The following LCA5 variants were observed in gnomAD, a reference collection of about 807,000 sequenced individuals.
The protein encoded by LCA5 is lebercilin.
In LCA5, 37 loss-of-function variants were observed where a neutral mutation model predicts 53.0. The observed-to-expected ratio is 0.70, with a 90% CI of 0.54 to 0.92. The LOEUF (loss-of-function observed/expected upper bound fraction) is 0.92, where lower values mean the gene tolerates loss of function less well. Among genes scored for constraint, LCA5 ranks in the 40% least tolerant of loss-of-function variants. LCA5 has a pLI of 0.00. For missense variants in LCA5, 806 were observed against 790.5 expected (o/e 1.02, Z -0.23); for synonymous variants, 303 against 282.9 (o/e 1.07, Z -0.71).
Position 79,518,982 on chromosome 6 carries a change from G to A in LCA5, c.-88C>T. ...GACAATACTGAAAAACATTTTCACA[G>A]TCTTCAGATCCTGATAATATTCATT... On this transcript the variant is annotated 5_prime_UTR_variant, in exon 2 of 8. Coordinates refer to ENST00000369846, the MANE Select transcript of LCA5 (RefSeq NM_001122769.3). The A allele has an allele frequency of 8.4e-7, 1 of 1,184,468 alleles. No homozygotes were observed. Among genetic ancestry groups the A allele is most frequent in the South Asian group, 1.2e-5 (1 of 82,150 alleles). 73.4% of individuals were successfully genotyped at this position (1,184,468 alleles called of 1,614,324 possible).
chr6:79,495,375 T>TA (rs143866440), intron 3 of LCA5, among the ~76,000 whole-genome samples: 5,768 of 152,154 alleles, frequency 0.038, 138 homozygotes, highest in Non-Finnish European at 0.056. Flanking sequence ...TCTGTGTCTG[T>TA]AGGGGATTGG....
Position 79,485,772 on chromosome 6 carries a change from A to C in LCA5, c.*1232T>G, listed in dbSNP as rs1278278130. The C allele has an allele frequency of 2.0e-5, 3 of 152,156 alleles. No homozygotes were observed. The highest frequency in any genetic ancestry group is 4.4e-5 in the Non-Finnish European group (3 of 68,000). The allele number at this position is 152,156 out of a possible 1,614,324, so 9.4% of individuals were successfully genotyped here. On this transcript the variant is annotated 3_prime_UTR_variant, in exon 8 of 8. Transcript: ENST00000369846. ...GAATAAGTGCCAATCTAAATTTTTTATTCTTCCCAACACACTATTTCCACC... is the reference window on the plus strand; with the variant it reads ...GAATAAGTGCCAATCTAAATTTTTTCTTCTTCCCAACACACTATTTCCACC...
At position 79,506,201 on chromosome 6, in the gene LCA5, A is replaced by G. The variant is rs185350911; in HGVS notation, c.720+7011T>C. Among the ~76,000 whole-genome samples, 179 of 152,286 alleles carry G rather than the reference A, an allele frequency of 1.2e-3. 1 individual carries two copies. Among genetic ancestry groups the G allele is most frequent in the African/African-American group, 3.9e-3 (163 of 41,568 alleles). Reference sequence around the variant, plus strand: ...TTTAGAAATTTTTAAAAAAGTCTTAATAGTTTCTTTTTGTTTTTCTAACAA... The same window carrying G: ...TTTAGAAATTTTTAAAAAAGTCTTAGTAGTTTCTTTTTGTTTTTCTAACAA... On this transcript the variant is annotated intron_variant, in intron 3 of 7. Transcript: ENST00000369846.
intron 1 of LCA5, 68 bp from the exon 2 acceptor site, chr6:79,519,153 G>C: frequency 2.0e-6 from 1 of 505,172 alleles, no homozygotes; most frequent in Admixed American, 3.3e-5. Flanking sequence ...TAATTACAAT[G>C]AAAGACACTA....
chr6:79,509,626 A>C (rs1157728539), intron 3 of LCA5, among the ~76,000 whole-genome samples: 1 of 152,198 alleles, frequency 6.6e-6, no homozygotes, highest in East Asian at 1.9e-4. Flanking sequence ...AAACCAAGTC[A>C]TTCCTTGGTT....
Position 79,487,146 on chromosome 6 carries a change from T to C in LCA5, c.1952A>G (p.His651Arg), listed in dbSNP as rs369558299. ...PGNKGSRDQE[H>R]DEDEGFFLSE... Reference sequence around the variant, plus strand: ...GAGGAAAAAGCCTTCATCTTCATCATGTTCTTGATCTCTGCTGCCTTTATT... The same window carrying C: ...GAGGAAAAAGCCTTCATCTTCATCACGTTCTTGATCTCTGCTGCCTTTATT... The change falls in exon 8 of 8, where the codon CAT (histidine) becomes CGT (arginine). Residue 651 changes from histidine (H) to arginine (R), a missense_variant. Coordinates refer to ENST00000369846, the MANE Select transcript of LCA5 (RefSeq NM_001122769.3). 1.9e-6 allele frequency: 3 copies of C among 1,613,916 alleles called. No individual in the cohort carries two copies. The highest frequency in any genetic ancestry group is 2.7e-5 in the African/African-American group (2 of 74,908).
intron 1 of LCA5, among the ~76,000 whole-genome samples, chr6:79,531,827 T>C (rs757127817): frequency 1.3e-4 from 20 of 152,184 alleles, no homozygotes; most frequent in Non-Finnish European, 2.6e-4. Context: ...GTCTCCTTTG[T>C]TGAATAATCT....
intron 3 of LCA5, among the ~76,000 whole-genome samples, chr6:79,502,466 CCT>C (rs1348104671): frequency 6.6e-6 from 1 of 152,020 alleles, no homozygotes; most frequent in Non-Finnish European, 1.5e-5. Context: ...CTTTCCTTAC[CCT>C]GAGCTTTTGT....
intron 1 of LCA5, 114 bp from the exon 2 acceptor site, chr6:79,519,199 G>C (rs1766546902): frequency 2.6e-6 from 1 of 384,164 alleles, no homozygotes; most frequent in Admixed American, 4.1e-5. Context: ...ATTTTTAAAA[G>C]AGGCTACAAT....
chr6:79,508,520 G>C (rs530191424), intron 3 of LCA5, among the ~76,000 whole-genome samples: 6 of 138,844 alleles, frequency 4.3e-5, no homozygotes, highest in South Asian at 2.4e-4. Flanking sequence ...CAAGAAGAAT[G>C]AGTTGTGGCC....
intron 4 of LCA5, 44 bp downstream of exon 4, chr6:79,493,569 G>T: frequency 6.5e-7 from 1 of 1,533,646 alleles, no homozygotes; most frequent in Non-Finnish European, 9.0e-7. Flanking sequence ...TTTAATTTTC[G>T]TCTAATACAC....
intron 4 of LCA5, among the ~76,000 whole-genome samples, chr6:79,492,988 G>T (rs1036938841): frequency 2.0e-5 from 3 of 151,916 alleles, no homozygotes; most frequent in Non-Finnish European, 4.4e-5. Flanking sequence ...CTGAAATATT[G>T]ATGAGTTAAA....
chr6:79,511,047 G>C (rs1441221533), intron 3 of LCA5, among the ~76,000 whole-genome samples: 1 of 146,156 alleles, frequency 6.8e-6, no homozygotes, highest in Non-Finnish European at 1.5e-5. Context: ...CAACAACAAA[G>C]AAAAAAATAC....
At chr6:79,493,829 G>C (rs919658870) in intron 3 of LCA5, 79 bp from the exon 4 acceptor site, 5 of 1,109,890 alleles carry the variant, frequency 4.5e-6, no homozygotes, top group Admixed American at 2.2e-5. Flanking sequence ...GTGTCAAAAT[G>C]ATGTTTTTAG....
chr6:79,510,749 C>T (rs1770389893), intron 3 of LCA5, among the ~76,000 whole-genome samples: 1 of 152,100 alleles, frequency 6.6e-6, no homozygotes, highest in African/African-American at 2.4e-5. Flanking sequence ...ATAAAGCAAA[C>T]AATCCAATTA....
intron 1 of LCA5, among the ~76,000 whole-genome samples, chr6:79,536,721 T>G (rs1246166305): frequency 1.3e-5 from 2 of 152,234 alleles, no homozygotes; most frequent in East Asian, 3.9e-4. Context: ...TACCAAAGCC[T>G]CCTTTTCCGT....
At chr6:79,527,814 G>A (rs546385897) in intron 1 of LCA5, among the ~76,000 whole-genome samples, 1 of 152,222 alleles carries the variant, frequency 6.6e-6, no homozygotes, top group East Asian at 1.9e-4. Flanking sequence ...ACATCACAGG[G>A]AAAGACCCCC....
intron 3 of LCA5, among the ~76,000 whole-genome samples, chr6:79,507,192 C>A (rs967495383): frequency 6.6e-6 from 1 of 151,978 alleles, no homozygotes. Context: ...CCAGCTGTCC[C>A]CTATTAAGCC....
intron 1 of LCA5, among the ~76,000 whole-genome samples, chr6:79,528,864 G>A (rs1027481563): frequency 6.6e-6 from 1 of 152,210 alleles, no homozygotes; most frequent in African/African-American, 2.4e-5. Flanking sequence ...TATGTGTTAT[G>A]CTGGGTGGGA....
Sources: allele counts gnomAD v4.1 joint callset (sites outside exome capture counted in the v4.1 genomes callset), GRCh38; gene constraint gnomAD v4.1.1; transcripts MANE v1.5; gene names NCBI Gene and HGNC (gene_info 2026-07-23, HGNC 2026-07-21).